Variants in IFT81 observed in about 807,000 individuals in gnomAD.
The protein encoded by IFT81 is intraflagellar transport protein 81 homolog.
In IFT81, 72 loss-of-function variants were observed where a neutral mutation model predicts 102.6. The observed-to-expected ratio is 0.70, with a 90% CI of 0.58 to 0.85. The LOEUF (loss-of-function observed/expected upper bound fraction) is 0.85, where lower values mean the gene tolerates loss of function less well. IFT81 is among the 40% of genes least tolerant of loss of function. IFT81 has a pLI of 0.00. For synonymous variants in IFT81, 237 were observed against 242.7 expected (o/e 0.98, Z 0.22); for missense variants, 723 against 787.3 (o/e 0.92, Z 0.98).
Position 110,136,793 on chromosome 12 carries a change from A to G in IFT81, c.714A>G (p.Gln238=), listed in dbSNP as rs146627387. 56 of 1,611,136 alleles carry G rather than the reference A, an allele frequency of 3.5e-5. No individual in the cohort carries two copies. In the East Asian group the frequency reaches 8.5e-4, roughly 24 times the overall value. The change falls in exon 8 of 19, where the codon CAA becomes CAG. Residue 238 remains glutamine (Q), a synonymous_variant. Coordinates refer to ENST00000242591, the MANE Select transcript of IFT81 (RefSeq NM_014055.4). ...EQKNQLFHAV[Q]RLQRVQNQLK... The stretch of plus-strand genomic sequence containing the variant: ...TTTTAAAGCTATTTCATGCAGTGCA[A>G]AGATTGCAAAGAGTACAAAACCAGC...
chr12:110,128,847 A>G, intron 3 of IFT81, 103 bp from the exon 4 acceptor site: 3 of 841,770 alleles, frequency 3.6e-6, no homozygotes, highest in Non-Finnish European at 5.6e-6. Flanking sequence ...AAGTTACAGA[A>G]AGCAATTTGG....
intron 9 of IFT81, among the ~76,000 whole-genome samples, chr12:110,144,567 G>A (rs1290457052): frequency 6.6e-6 from 1 of 151,248 alleles, no homozygotes; most frequent in African/African-American, 2.4e-5. Context: ...CTGGAGTGCA[G>A]TGGTGAGATC....
At chr12:110,155,382 C>T (rs1386114870) in intron 10 of IFT81, among the ~76,000 whole-genome samples, 1 of 152,116 alleles carries the variant, frequency 6.6e-6, no homozygotes, top group Non-Finnish European at 1.5e-5. Context: ...GCGATCTCAG[C>T]TCACTGCAAC....
chr12:110,190,775 T>C, intron 12 of IFT81, 145 bp from the exon 13 acceptor site: 1 of 623,426 alleles, frequency 1.6e-6, no homozygotes, highest in East Asian at 3.3e-5. Flanking sequence ...GAAATAATAA[T>C]TGAAGTCAAT....
intron 4 of IFT81, among the ~76,000 whole-genome samples, chr12:110,132,192 C>T (rs1336978887): frequency 3.3e-5 from 5 of 152,202 alleles, no homozygotes; most frequent in Admixed American, 1.3e-4. Flanking sequence ...TGGCTAGGCG[C>T]GGTGGCTCAC....
intron 8 of IFT81, 58 bp from the exon 9 acceptor site, chr12:110,143,324 C>G (rs768772933): frequency 2.8e-5 from 28 of 1,012,482 alleles, no homozygotes; most frequent in Non-Finnish European, 3.5e-5. Context: ...AAATAGTATA[C>G]AGAATATCAC....
At chr12:110,149,483 C>A (rs754277762) in intron 10 of IFT81, among the ~76,000 whole-genome samples, 4 of 152,132 alleles carry the variant, frequency 2.6e-5, no homozygotes, top group Non-Finnish European at 5.9e-5. Flanking sequence ...CTCAATTAGA[C>A]CCCTACCTTA....
chr12:110,144,542 G>T (rs1345016100), intron 9 of IFT81, among the ~76,000 whole-genome samples: 1 of 149,862 alleles, frequency 6.7e-6, no homozygotes, highest in Non-Finnish European at 1.5e-5. Flanking sequence ...ACGGAGTCTT[G>T]CTCTGTTGCC....
intron 12 of IFT81, among the ~76,000 whole-genome samples, chr12:110,184,168 G>T (rs190178750): frequency 6.6e-6 from 1 of 152,188 alleles, no homozygotes; most frequent in Non-Finnish European, 1.5e-5. Flanking sequence ...GGCTAACACG[G>T]TGAAACCCTG....
At chr12:110,204,161 C>T (rs566124387) in intron 15 of IFT81, 111 of 442,372 alleles carry the variant, frequency 2.5e-4, no homozygotes, top group South Asian at 6.1e-4. Context: ...TGCCCGTGTA[C>T]GCACATTTTC....
At chr12:110,174,277 C>CAAAAA (rs61353726) in intron 11 of IFT81, among the ~76,000 whole-genome samples, 5 of 35,276 alleles carry the variant, frequency 1.4e-4, no homozygotes, top group South Asian at 1.6e-3. Flanking sequence ...GACTCCGTCT[C>CAAAAA]AAAAAAAAAA....
At chr12:110,143,903 A>G (rs933897436) in intron 9 of IFT81, among the ~76,000 whole-genome samples, 6 of 151,978 alleles carry the variant, frequency 3.9e-5, no homozygotes, top group African/African-American at 1.4e-4. Flanking sequence ...GCAAAATATT[A>G]TAGCAATTTT....
intron 5 of IFT81, among the ~76,000 whole-genome samples, chr12:110,133,907 T>C (rs951855991): frequency 1.3e-5 from 2 of 152,272 alleles, no homozygotes; most frequent in African/African-American, 4.8e-5. Context: ...CTTGCATTAA[T>C]GAGAATCTTT....
intron 9 of IFT81, among the ~76,000 whole-genome samples, chr12:110,145,295 A>T (rs1187186222): frequency 6.6e-6 from 1 of 151,912 alleles, no homozygotes; most frequent in Non-Finnish European, 1.5e-5. Flanking sequence ...CGTCCACCTC[A>T]GTCTCCCAAA....
At chr12:110,190,796 C>A in intron 12 of IFT81, 124 bp from the exon 13 acceptor site, 1 of 812,838 alleles carries the variant, frequency 1.2e-6, no homozygotes, top group Non-Finnish European at 1.8e-6. Context: ...GAAGATTGTC[C>A]TTTAGGATTC....
chr12:110,198,286 T>G (rs190328602), intron 14 of IFT81, among the ~76,000 whole-genome samples: 1,525 of 152,174 alleles, frequency 0.01, 92 homozygotes, highest in Admixed American at 0.086. Context: ...TTTTCTTCTT[T>G]TAAATAATGG....
At chr12:110,196,452 G>A (rs535733841) in intron 14 of IFT81, among the ~76,000 whole-genome samples, 17 of 152,306 alleles carry the variant, frequency 1.1e-4, no homozygotes, top group South Asian at 2.1e-4. Flanking sequence ...CCTGGGAGGC[G>A]GAGGTTGCAG....
At chr12:110,213,062 ACT>A (rs199721191) in intron 18 of IFT81, among the ~76,000 whole-genome samples, 1,531 of 152,114 alleles carry the variant, frequency 0.01, 28 homozygotes, top group Middle Eastern at 0.044. Flanking sequence ...TACCATAAAC[ACT>A]CTTTTTGAAC....
At chr12:110,167,481 ATTTAG>A (rs1896503397) in intron 11 of IFT81, among the ~76,000 whole-genome samples, 1 of 152,206 alleles carries the variant, frequency 6.6e-6, no homozygotes, top group Non-Finnish European at 1.5e-5. Flanking sequence ...AAATGACTAC[ATTTAG>A]TTTAGAGATT....
Sources: allele counts gnomAD v4.1 joint callset (sites outside exome capture counted in the v4.1 genomes callset), GRCh38; gene constraint gnomAD v4.1.1; transcripts MANE v1.5; gene names NCBI Gene and HGNC (gene_info 2026-07-23, HGNC 2026-07-21).